Variants in ZBTB7C observed in about 807,000 individuals in gnomAD.
ZBTB7C encodes zinc finger and BTB domain-containing protein 7C.
A neutral mutation model predicts 25.7 loss-of-function variants in ZBTB7C; 8 were observed. The ratio of observed to expected loss-of-function variants is 0.31; its 90% CI spans 0.18 to 0.56. The LOEUF (loss-of-function observed/expected upper bound fraction) is 0.56, where lower values mean the gene tolerates loss of function less well. Ranked by LOEUF, ZBTB7C falls within the 20% of genes least tolerant of loss-of-function variation. The pLI, the probability that ZBTB7C is intolerant of heterozygous loss-of-function variation, is 0.91. For missense variants in ZBTB7C, 824 were observed against 855.2 expected (o/e 0.96, Z 0.46); for synonymous variants, 394 against 369.0 (o/e 1.07, Z -0.78).
chr18:48,063,869 C>G lies in ZBTB7C; in HGVS notation c.-16-22746G>C, dbSNP rs1194254148. ...ATCCAACCCAAAACTTCCATGATAT[C>G]TTTGCATTTATATTTAATTTATAAT... is the stretch of plus-strand genomic sequence containing the variant. On this transcript the variant is annotated intron_variant, in intron 3 of 4. Transcript: ENST00000590800. Among the ~76,000 whole-genome samples the G allele has an allele frequency of 3.9e-5, 6 of 151,924 alleles. No individual in the cohort carries two copies. In the South Asian group the frequency reaches 1.2e-3, roughly 31 times the overall value.
At chr18:48,369,042 T>C (rs921024331) in intron 1 of ZBTB7C, among the ~76,000 whole-genome samples, 1 of 152,228 alleles carries the variant, frequency 6.6e-6, no homozygotes, top group African/African-American at 2.4e-5. Flanking sequence ...ATAGACTTTC[T>C]TTCTCCTCTT....
At chr18:48,354,505 A>G (rs2046933656) in intron 1 of ZBTB7C, among the ~76,000 whole-genome samples, 1 of 152,182 alleles carries the variant, frequency 6.6e-6, no homozygotes, top group African/African-American at 2.4e-5. Flanking sequence ...TCACCTGGTA[A>G]AAGGACACAC....
At chr18:48,147,449 T>C (rs997212809) in intron 3 of ZBTB7C, among the ~76,000 whole-genome samples, 1 of 152,178 alleles carries the variant, frequency 6.6e-6, no homozygotes, top group Admixed American at 6.5e-5. Flanking sequence ...GAGAAGCTGA[T>C]AGGTTCTTAA....
At chr18:48,134,013 T>C (rs1015021682) in intron 3 of ZBTB7C, among the ~76,000 whole-genome samples, 7 of 152,032 alleles carry the variant, frequency 4.6e-5, no homozygotes, top group South Asian at 2.1e-4. Context: ...AATCTCAATA[T>C]TGGGGGAAAA....
At chr18:48,081,483 G>C (rs181387422) in intron 3 of ZBTB7C, among the ~76,000 whole-genome samples, 7 of 150,194 alleles carry the variant, frequency 4.7e-5, no homozygotes, top group Admixed American at 2.0e-4. Flanking sequence ...GGTTGAGATA[G>C]AGTCTCACTC....
chr18:48,108,592 C>A (rs1010468795), intron 3 of ZBTB7C, among the ~76,000 whole-genome samples: 4 of 152,118 alleles, frequency 2.6e-5, no homozygotes, highest in Non-Finnish European at 4.4e-5. Context: ...TACCATTATG[C>A]CCAGCTAATT....
At chr18:48,219,482 G>A (rs2042901380) in intron 2 of ZBTB7C, among the ~76,000 whole-genome samples, 1 of 152,138 alleles carries the variant, frequency 6.6e-6, no homozygotes, top group Non-Finnish European at 1.5e-5. Context: ...ATTCCAGGTG[G>A]GGACACTGAG....
intron 2 of ZBTB7C, among the ~76,000 whole-genome samples, chr18:48,279,645 G>A (rs2044772707): frequency 1.3e-5 from 2 of 152,176 alleles, no homozygotes; most frequent in Non-Finnish European, 2.9e-5. Context: ...GCACTTGGCT[G>A]ATACTAAAAT....
At chr18:48,215,532 C>G (rs1280877754) in intron 2 of ZBTB7C, among the ~76,000 whole-genome samples, 2 of 152,172 alleles carry the variant, frequency 1.3e-5, no homozygotes, top group African/African-American at 4.8e-5. Context: ...CAAAGATTTT[C>G]TGATTGGCAC....
At chr18:48,353,439 A>T (rs9964232) in intron 1 of ZBTB7C, among the ~76,000 whole-genome samples, 2 of 152,080 alleles carry the variant, frequency 1.3e-5, no homozygotes, top group Non-Finnish European at 2.9e-5. Context: ...GCTGATTGAC[A>T]AATGAGCTTC....
intron 3 of ZBTB7C, among the ~76,000 whole-genome samples, chr18:48,184,975 A>G (rs531499757): frequency 6.6e-6 from 1 of 152,186 alleles, no homozygotes; most frequent in African/African-American, 2.4e-5. Flanking sequence ...AGCCATTTTC[A>G]TATCGTGGAG....
At chr18:48,403,177 C>T (rs548026550) in intron 1 of ZBTB7C, among the ~76,000 whole-genome samples, 1 of 152,284 alleles carries the variant, frequency 6.6e-6, no homozygotes, top group South Asian at 2.1e-4. Flanking sequence ...CTCTTGCCCA[C>T]CAAAGAAGTA....
intron 2 of ZBTB7C, among the ~76,000 whole-genome samples, chr18:48,221,807 C>G (rs1360646016): frequency 7.3e-6 from 1 of 136,192 alleles, no homozygotes; most frequent in Non-Finnish European, 1.6e-5. Context: ...GTCTCCACTA[C>G]GCTGTCCTAG....
At chr18:48,176,311 T>A (rs1328831385) in intron 3 of ZBTB7C, among the ~76,000 whole-genome samples, 1 of 152,156 alleles carries the variant, frequency 6.6e-6, no homozygotes, top group African/African-American at 2.4e-5. Context: ...TTCAAAGATG[T>A]CCATGTCATA....
At chr18:48,033,762 G>A (rs896387164) in intron 4 of ZBTB7C, among the ~76,000 whole-genome samples, 4 of 152,226 alleles carry the variant, frequency 2.6e-5, no homozygotes, top group South Asian at 4.1e-4. Flanking sequence ...ACCAAAGAGG[G>A]AATGGTGTTC....
At chr18:48,081,059 C>T (rs964260259) in intron 3 of ZBTB7C, among the ~76,000 whole-genome samples, 1 of 152,194 alleles carries the variant, frequency 6.6e-6, no homozygotes, top group African/African-American at 2.4e-5. Flanking sequence ...GGAGCTTCTC[C>T]CATTACTGGG....
chr18:48,085,191 C>A (rs1284900588), intron 3 of ZBTB7C, among the ~76,000 whole-genome samples: 3 of 152,066 alleles, frequency 2.0e-5, no homozygotes, highest in Non-Finnish European at 4.4e-5. Flanking sequence ...AAGACACAGA[C>A]CTTGCTTTCA....
At chr18:48,133,561 A>G (rs891905042) in intron 3 of ZBTB7C, among the ~76,000 whole-genome samples, 1 of 151,862 alleles carries the variant, frequency 6.6e-6, no homozygotes, top group Admixed American at 6.6e-5. Context: ...TGCAGAATGT[A>G]TGATATAAAG....
chr18:48,361,449 T>C (rs1375990770), intron 1 of ZBTB7C, among the ~76,000 whole-genome samples: 1 of 152,200 alleles, frequency 6.6e-6, no homozygotes, highest in Non-Finnish European at 1.5e-5. Context: ...GTATAGTCTT[T>C]TGCTAAACAT....
Sources: allele counts gnomAD v4.1 joint callset (sites outside exome capture counted in the v4.1 genomes callset), GRCh38; gene constraint gnomAD v4.1.1; transcripts MANE v1.5; gene names NCBI Gene and HGNC (gene_info 2026-07-23, HGNC 2026-07-21).